CWH43: variants seen among roughly 807,000 people sequenced by gnomAD.
CWH43 encodes the protein cell wall biogenesis 43 C-terminal homolog.
A neutral mutation model predicts 85.7 loss-of-function variants in CWH43; 91 were observed. The ratio of observed to expected loss-of-function variants is 1.06; its 90% CI spans 0.90 to 1.26. The LOEUF (loss-of-function observed/expected upper bound fraction) is 1.26. Ranked by LOEUF, CWH43 falls within the 50% of genes most tolerant of loss-of-function variation. CWH43 has a pLI of 0.00. For missense variants in CWH43, 869 were observed against 839.2 expected, an observed-to-expected ratio of 1.04 and a Z score of -0.44; for synonymous variants, 323 against 293.6, an observed-to-expected ratio of 1.10 and a Z score of -1.02.
chr4:49,009,400 A>T (rs1389833813), intron 8 of CWH43, among the ~76,000 whole-genome samples: 1 of 152,200 alleles, frequency 6.6e-6, no homozygotes, highest in Non-Finnish European at 1.5e-5. Flanking sequence ...TTTTCTAAAT[A>T]TACAGTCATG....
intron 8 of CWH43, among the ~76,000 whole-genome samples, chr4:49,010,370 T>C (rs1465175409): frequency 1.3e-5 from 2 of 152,194 alleles, no homozygotes; most frequent in Non-Finnish European, 2.9e-5. Context: ...CTCTCTTTTC[T>C]TCTTTATTAG....
chr4:49,016,289 T>C (rs17611143), intron 8 of CWH43, among the ~76,000 whole-genome samples: 89,599 of 152,104 alleles, frequency 0.59, 29,466 homozygotes, highest in Admixed American at 0.75. Context: ...TAGTGCCATG[T>C]GTTTATTCCC....
Position 49,061,905 on chromosome 4 carries a change from G to T in CWH43, c.*15G>T, listed in dbSNP as rs1228073319. 7.5e-7 allele frequency: 1 copy of T among 1,335,018 alleles called. No homozygotes were observed. Among genetic ancestry groups the T allele is most frequent in the Non-Finnish European group, 9.9e-7 (1 of 1,008,650 alleles). The allele number at this position is 1,335,018 out of a possible 1,614,324, so 82.7% of individuals were successfully genotyped here. A position where few individuals can be genotyped will look rare whatever the true frequency, so the allele number is the denominator to read the frequency against. The stretch of plus-strand genomic sequence containing the variant: ...ACTTTTTATGAAACATTTAAAACAA[G>T]AAGTTATTGGCTGGGAAAATCTAAG... On this transcript the variant is annotated 3_prime_UTR_variant, in exon 16 of 16. Coordinates refer to ENST00000226432, the MANE Select transcript of CWH43 (RefSeq NM_025087.3).
chr4:49,030,275 C>A (rs558123322), intron 10 of CWH43, among the ~76,000 whole-genome samples: 3 of 152,278 alleles, frequency 2.0e-5, no homozygotes, highest in Admixed American at 2.0e-4. Context: ...AAAGGACTAA[C>A]CTGTTCTGGT....
At chr4:49,060,713 C>T (rs1204144453) in intron 15 of CWH43, among the ~76,000 whole-genome samples, 2 of 152,190 alleles carry the variant, frequency 1.3e-5, no homozygotes, top group Non-Finnish European at 2.9e-5. Flanking sequence ...TATAATCTCT[C>T]ATCTGAAATC....
intron 10 of CWH43, among the ~76,000 whole-genome samples, chr4:49,029,738 G>C (rs1182419903): frequency 6.6e-6 from 1 of 152,248 alleles, no homozygotes; most frequent in Non-Finnish European, 1.5e-5. Context: ...TTGCTACACT[G>C]AGATGTTTGG....
intron 12 of CWH43, 149 bp from the exon 13 acceptor site, chr4:49,037,887 A>G (rs1784307383): frequency 3.5e-6 from 2 of 575,452 alleles, no homozygotes; most frequent in Non-Finnish European, 6.1e-6. Flanking sequence ...GGTCTTGTTC[A>G]TTTGTATAAT....
At chr4:48,988,334 AGTGG>A in intron 1 of CWH43, 139 bp from the exon 2 acceptor site, 15 of 480,894 alleles carry the variant, frequency 3.1e-5, no homozygotes, top group South Asian at 2.9e-4. Context: ...GTTCCATGTC[AGTGG>A]AGACAACTGG....
intron 10 of CWH43, among the ~76,000 whole-genome samples, chr4:49,029,786 G>A (rs767806469): frequency 2.6e-5 from 4 of 152,184 alleles, no homozygotes; most frequent in Non-Finnish European, 5.9e-5. Flanking sequence ...TTACACATCC[G>A]GGCACAGTAA....
chr4:49,032,079 G>T (rs1030296454), intron 11 of CWH43, among the ~76,000 whole-genome samples: 2 of 152,210 alleles, frequency 1.3e-5, no homozygotes, highest in Non-Finnish European at 2.9e-5. Flanking sequence ...AATGCGTCTA[G>T]CTATGGAAGA....
chr4:49,054,730 T>C (rs1784898983), intron 15 of CWH43, among the ~76,000 whole-genome samples: 1 of 152,152 alleles, frequency 6.6e-6, no homozygotes, highest in African/African-American at 2.4e-5. Flanking sequence ...CCTCCTTGGT[T>C]AAATTTATTC....
At position 49,033,305 on chromosome 4, in the gene CWH43, C is replaced by G. The variant is rs1263781779; in HGVS notation, c.1658+590C>G. 2.6e-5 allele frequency among the ~76,000 whole-genome samples: 4 copies of G among 152,168 alleles called. No individual in the cohort carries two copies. In the South Asian group the frequency reaches 8.3e-4, roughly 32 times the overall value. The stretch of plus-strand genomic sequence containing the variant: ...GCAGAGGAATCTGGAAGAGGGAGAT[C>G]AAAATATCACTTTGAATACTGATAA... On this transcript the variant is annotated intron_variant, in intron 12 of 15. Coordinates refer to ENST00000226432, the MANE Select transcript of CWH43 (RefSeq NM_025087.3).
chr4:48,986,648 A>G lies in CWH43; in HGVS notation c.43+176A>G, dbSNP rs917079479. 4.3e-6 allele frequency: 6 copies of G among 1,403,380 alleles called. No homozygotes were observed. The African/African-American group carries it at 7.5e-5, about 17-fold the overall frequency. 86.9% of individuals were successfully genotyped at this position (1,403,380 alleles called of 1,614,324 possible). A position where few individuals can be genotyped will look rare whatever the true frequency, so the allele number is the denominator to read the frequency against. ...TTTTCCTACTGAAGGGAATAAAGGA[A>G]AAGACCTAGATTGAAGTCTTCAAGC... On this transcript the variant is annotated intron_variant, in intron 1 of 15. Coordinates refer to ENST00000226432, the MANE Select transcript of CWH43 (RefSeq NM_025087.3).
At chr4:49,012,741 AG>A (rs1783404587) in intron 8 of CWH43, among the ~76,000 whole-genome samples, 1 of 152,240 alleles carries the variant, frequency 6.6e-6, no homozygotes. Flanking sequence ...CTTTAGCTGC[AG>A]GTCTGTTGGA....
At chr4:49,055,895 T>C (rs2768958) in intron 15 of CWH43, among the ~76,000 whole-genome samples, 91,457 of 151,162 alleles carry the variant, frequency 0.61, 30,142 homozygotes, top group Middle Eastern at 0.78. Flanking sequence ...CTATGGTCAA[T>C]CTAATTTTTC....
chr4:49,050,278 T>C (rs1340992622), intron 14 of CWH43, among the ~76,000 whole-genome samples: 1 of 152,182 alleles, frequency 6.6e-6, no homozygotes, highest in African/African-American at 2.4e-5. Flanking sequence ...TATAAAATCT[T>C]TGATTTCAGA....
chr4:49,029,591 C>A (rs557935037), intron 10 of CWH43, among the ~76,000 whole-genome samples: 1 of 152,288 alleles, frequency 6.6e-6, no homozygotes, highest in African/African-American at 2.4e-5. Context: ...AGGAAGGCCT[C>A]CATCTCCTGC....
chr4:48,998,504 C>T lies in CWH43; in HGVS notation c.758C>T (p.Ser253Phe). ...LCLASGLMLP[S>F]CLWFRGTGLI... is the part of the protein sequence containing the mutation. ...TTGGCAAGTGGATTGATGCTTCCATCTTGTTTGTGGTTTCGTGGTACTGGT... is the reference window on the plus strand; with the variant it reads ...TTGGCAAGTGGATTGATGCTTCCATTTTGTTTGTGGTTTCGTGGTACTGGT... The change falls in exon 6 of 16, where the codon TCT becomes TTT. Residue 253 changes from serine to phenylalanine, a missense_variant. Around this residue, in one of 3 missense-constraint regions of CWH43, gnomAD observed 152 missense variants for 203.6 expected, o/e 0.75. Transcript: ENST00000226432. 1 of 1,613,956 alleles carries T rather than the reference C, an allele frequency of 6.2e-7. No individual in the cohort carries two copies. The highest frequency in any genetic ancestry group is 8.5e-7 in the Non-Finnish European group (1 of 1,179,878).
chr4:49,024,404 C>T (rs1224819657), intron 9 of CWH43, among the ~76,000 whole-genome samples: 1 of 151,940 alleles, frequency 6.6e-6, no homozygotes, highest in Non-Finnish European at 1.5e-5. Flanking sequence ...GCCTGAATAC[C>T]TTGGGTTTTC....
Sources: allele counts gnomAD v4.1 joint callset (sites outside exome capture counted in the v4.1 genomes callset), GRCh38; gene constraint gnomAD v4.1.1; regional missense constraint gnomAD v4.1.1; transcripts MANE v1.5; gene names NCBI Gene and HGNC (gene_info 2026-07-23, HGNC 2026-07-21).